Variants in FAT2 observed in about 807,000 individuals in gnomAD.
FAT2 encodes the protein FAT atypical cadherin 2, also known as protocadherin Fat 2.
A neutral mutation model predicts 295.3 loss-of-function variants in FAT2; 150 were observed. The observed-to-expected ratio is 0.51, with a 90% CI of 0.44 to 0.58. FAT2 has a LOEUF of 0.58. FAT2 is among the 20% of genes least tolerant of loss of function. The probability of loss-of-function intolerance (pLI) is 0.00; values close to 1 mark genes in which losing one functional copy is unlikely to be tolerated. For synonymous variants in FAT2, 2,026 were observed against 2,150.3 expected (o/e 0.94, Z 1.60); for missense variants, 4,868 against 5,442.7 (o/e 0.89, Z 3.32).
At chr5:151,590,676 G>A (rs778832690) in intron 1 of FAT2, among the ~76,000 whole-genome samples, 3 of 152,126 alleles carry the variant, frequency 2.0e-5, no homozygotes, top group Non-Finnish European at 2.9e-5. Flanking sequence ...TCCCTTAGCC[G>A]CCAGGTAGCT....
chr5:151,550,790 C>G lies in FAT2; in HGVS notation c.4378G>C (p.Asp1460His), dbSNP rs1412719196. The G allele has an allele frequency of 1.2e-6, 2 of 1,614,026 alleles. No homozygotes were observed. Among genetic ancestry groups the G allele is most frequent in the Admixed American group, 3.3e-5 (2 of 60,016 alleles). The change falls in exon 8 of 24, where the codon GAC becomes CAC. Residue 1460 changes from aspartate (D) to histidine (H), a missense_variant. Physicochemically the swap from Asp to His is moderately conservative, Grantham distance 81. Around this residue, in one of 5 missense-constraint regions of FAT2, gnomAD observed 3,297 missense variants for 3,669.4 expected, o/e 0.90. Transcript: ENST00000261800. ...ETRYEVRVPQ[D>H]TVPGVELLRV... is the part of the protein sequence containing the mutation. ...AGGAGCTCTACCCCTGGCACGGTGT[C>G]CTGGGGAACTCTGACTTCATAACGA...
At chr5:151,537,446 AG>A (rs773063979) in intron 12 of FAT2, among the ~76,000 whole-genome samples, 195 of 144,758 alleles carry the variant, frequency 1.3e-3, no homozygotes, top group African/African-American at 4.7e-3. Context: ...AGGAGAGGGG[AG>A]GGGAGGGGAG....
At position 151,574,325 on chromosome 5, in the gene FAT2, C is replaced by T. The variant is rs901776868; in HGVS notation, c.-20-5374G>A. ...CTGTAATGGATGGGTGATTCCAAAC[C>T]CCTCTAATTGTCCCACCCCTCTGCC... On this transcript the variant is annotated intron_variant, in intron 1 of 23. Transcript: ENST00000261800. 2.0e-5 allele frequency among the ~76,000 whole-genome samples: 3 copies of T among 152,132 alleles called. No individual in the cohort carries two copies. In the South Asian group the frequency reaches 6.2e-4, roughly 32 times the overall value.
chr5:151,543,624 A>C lies in FAT2; in HGVS notation c.7503T>G (p.Ile2501Met). Residue 2501 changes from isoleucine to methionine, a missense_variant, in exon 10 of 24, where the codon ATT becomes ATG. Ile to Met is a conservative substitution (Grantham distance 10). Coordinates refer to ENST00000261800, the MANE Select transcript of FAT2 (RefSeq NM_001447.3). ...TATCTTTGTCTATGGCTAGCAAATC[A>C]ATCACCTTGGTTCCAACCATTGCAT... ...AENAMVGTKV[I>M]DLLAIDKDSG... The C allele has an allele frequency of 6.2e-7, 1 of 1,614,182 alleles. No individual in the cohort carries two copies. The highest frequency in any genetic ancestry group is 8.5e-7 in the Non-Finnish European group (1 of 1,180,028).
At chr5:151,539,789 C>A (rs1442896843) in intron 11 of FAT2, among the ~76,000 whole-genome samples, 1 of 152,248 alleles carries the variant, frequency 6.6e-6, no homozygotes. Flanking sequence ...AGCTCCTCTC[C>A]TGACAAACAC....
In FAT2 at chr5:151,544,688, C is replaced by T; in HGVS notation, c.6439G>A (p.Asp2147Asn). The T allele has an allele frequency of 6.2e-7, 1 of 1,614,166 alleles. No homozygotes were observed. Among genetic ancestry groups the T allele is most frequent in the Admixed American group, 1.7e-5 (1 of 60,022 alleles). Residue 2147 changes from aspartate to asparagine, a missense_variant, in exon 10 of 24, where the codon GAT becomes AAT. Physicochemically the swap from Asp to Asn is conservative, Grantham distance 23. Around this residue, in one of 5 missense-constraint regions of FAT2, gnomAD observed 3,297 missense variants for 3,669.4 expected, o/e 0.90. Coordinates refer to ENST00000261800, the MANE Select transcript of FAT2 (RefSeq NM_001447.3). ...CTCTGGAGGGATGGCGTTCCTCCAT[C>T]CCGAGCAATGACTTTGAGGTGATAT... ...NKYHLKVIAR[D>N]GGTPSLQSEE... is the part of the protein sequence containing the mutation.
At position 151,545,133 on chromosome 5, in the gene FAT2, A is replaced by C. The variant is rs531579217; in HGVS notation, c.5994T>G (p.Asn1998Lys). 2 of 1,614,222 alleles carry C rather than the reference A, an allele frequency of 1.2e-6. No homozygotes were observed. The highest frequency in any genetic ancestry group is 1.7e-6 in the Non-Finnish European group (2 of 1,180,038). Residue 1998 changes from asparagine (N) to lysine (K), a missense_variant, in exon 10 of 24, where the codon AAT becomes AAG. By Grantham distance (94) the Asn-to-Lys change is moderately conservative. Coordinates refer to ENST00000261800, the MANE Select transcript of FAT2 (RefSeq NM_001447.3). Reference protein sequence around the residue: ...VILGAQGNHLNDTLSYFLLNG... With the variant: ...VILGAQGNHLKDTLSYFLLNG... ...TCAAGAGAAAGTAGGAAAGGGTGTC[A>C]TTCAAATGATTGCCCTGGGCACCAA...
chr5:151,546,464 C>A (rs1756643867), intron 9 of FAT2, 127 bp from the exon 10 acceptor site: 1 of 634,496 alleles, frequency 1.6e-6, no homozygotes, highest in Non-Finnish European at 2.7e-6. Context: ...AGTGTATACC[C>A]ACCCTGGATA....
chr5:151,525,137 G>A (rs1036460374), intron 18 of FAT2, among the ~76,000 whole-genome samples: 1 of 152,150 alleles, frequency 6.6e-6, no homozygotes, highest in African/African-American at 2.4e-5. Context: ...CTGAAAGAAT[G>A]AATACATCAT....
intron 1 of FAT2, among the ~76,000 whole-genome samples, chr5:151,581,540 T>G (rs1054398820): frequency 6.6e-6 from 1 of 152,238 alleles, no homozygotes; most frequent in Non-Finnish European, 1.5e-5. Context: ...CGCATGCAGC[T>G]GCTCACAGCT....
At chr5:151,517,527 A>G in intron 20 of FAT2, 93 bp downstream of exon 20, 1 of 1,481,790 alleles carries the variant, frequency 6.7e-7, no homozygotes, top group Non-Finnish European at 9.3e-7. Context: ...TTTCTTTGGC[A>G]GAAATGGGCT....
rs1758317368 is a variant in FAT2, at chr5:151,567,281, A to G, written c.1651T>C (p.Phe551Leu). 6.2e-7 allele frequency: 1 copy of G among 1,614,036 alleles called. No individual in the cohort carries two copies. Among genetic ancestry groups the G allele is most frequent in the African/African-American group, 1.3e-5 (1 of 74,912 alleles). The stretch of plus-strand genomic sequence containing the variant: ...TCATTCAAGTTCCTGAGCTGAAGAA[A>G]AATGGACACTTCCTTCTCCCGGCGA... ...PFRREKEVSI[F>L]LQLRNLNDNQ... is the part of the protein sequence containing the mutation. Residue 551 changes from phenylalanine (F) to leucine (L), a missense_variant, in exon 2 of 24, where the codon TTT becomes CTT. Around this residue, in one of 5 missense-constraint regions of FAT2, gnomAD observed 3,297 missense variants for 3,669.4 expected, o/e 0.90. Transcript: ENST00000261800.
chr5:151,557,945 A>T (rs1448184601), intron 3 of FAT2, among the ~76,000 whole-genome samples: 1 of 152,112 alleles, frequency 6.6e-6, no homozygotes, highest in Non-Finnish European at 1.5e-5. Flanking sequence ...CAGGTTCCTT[A>T]CAGGGGACCC....
At position 151,505,783 on chromosome 5, in the gene FAT2, G is replaced by A. The variant is rs756083474; in HGVS notation, c.12832C>T (p.His4278Tyr). The change falls in exon 24 of 24, where the codon CAC becomes TAC. Residue 4278 changes from histidine to tyrosine, a missense_variant. His to Tyr is a moderately conservative substitution (Grantham distance 83, BLOSUM62 2). Transcript: ENST00000261800. The stretch of plus-strand genomic sequence containing the variant: ...CCCCCTCCCTGCCGGAACTGCGAGT[G>A]GTAGTAGCTGATGGCCGTGTACTCA... ...LNEYTAISYYHSQFRQGGGGP... is the reference protein window; with the variant it reads ...LNEYTAISYYYSQFRQGGGGP... The A allele has an allele frequency of 6.2e-7, 1 of 1,614,068 alleles. No individual in the cohort carries two copies. The highest frequency in any genetic ancestry group is 8.5e-7 in the Non-Finnish European group (1 of 1,179,998).
At chr5:151,578,538 G>A (rs1456621186) in intron 1 of FAT2, among the ~76,000 whole-genome samples, 2 of 152,160 alleles carry the variant, frequency 1.3e-5, no homozygotes, top group Non-Finnish European at 2.9e-5. Context: ...AATTAGTACA[G>A]CCATTACGGA....
chr5:151,546,493 C>A (rs1469336032), intron 9 of FAT2, among the ~76,000 whole-genome samples, 156 bp from the exon 10 acceptor site: 1 of 152,106 alleles, frequency 6.6e-6, no homozygotes, highest in Non-Finnish European at 1.5e-5. Context: ...AGAGTAGATA[C>A]TTTATAAAAT....
chr5:151,573,896 G>T (rs1294537360), intron 1 of FAT2, among the ~76,000 whole-genome samples: 2 of 152,122 alleles, frequency 1.3e-5, no homozygotes, highest in Non-Finnish European at 2.9e-5. Flanking sequence ...AACGTGGAGG[G>T]CTCCTCATCA....
chr5:151,516,077 G>A (rs934020421), intron 20 of FAT2, among the ~76,000 whole-genome samples: 1 of 152,080 alleles, frequency 6.6e-6, no homozygotes, highest in African/African-American at 2.4e-5. Flanking sequence ...CTGCCAAAAG[G>A]CTTTCACATT....
At chr5:151,593,119 G>A (rs1313305958), upstream of FAT2, among the ~76,000 whole-genome samples, 1 of 152,192 alleles carries the variant, frequency 6.6e-6, no homozygotes, top group Non-Finnish European at 1.5e-5. Flanking sequence ...CAGGGTGAGG[G>A]GACCTACTGT....
Sources: gnomAD v4.1 joint callset for allele counts (sites outside exome capture counted in the v4.1 genomes callset) on GRCh38, gnomAD v4.1.1 for gene constraint, gnomAD v4.1.1 regional missense constraint, MANE v1.5 for transcripts, NCBI Gene and HGNC (gene_info 2026-07-23, HGNC 2026-07-21) for gene names.